GNAI3: variants seen among roughly 807,000 people sequenced by gnomAD.
GNAI3 encodes the protein guanine nucleotide-binding protein G(i) subunit alpha-3.
Under a neutral mutation model 41.8 loss-of-function variants are expected in GNAI3, and 12 were observed. The ratio of observed to expected loss-of-function variants is 0.29; its 90% confidence interval spans 0.18 to 0.47. GNAI3 has a LOEUF of 0.47. Among genes scored for constraint, GNAI3 ranks in the 20% least tolerant of loss-of-function variants. The pLI is 1.00. For synonymous variants in GNAI3, 132 were observed against 146.5 expected (o/e 0.90, Z 0.71); for missense variants, 360 against 429.6 (o/e 0.84, Z 1.43).
intron 1 of GNAI3, among the ~76,000 whole-genome samples, chr1:109,563,397 A>G (rs912557018): frequency 1.3e-5 from 2 of 152,138 alleles, no homozygotes; most frequent in Non-Finnish European, 2.9e-5. Flanking sequence ...AAGACAAACA[A>G]ACAAACAAAA....
chr1:109,556,442 C>T (rs896740586), intron 1 of GNAI3, among the ~76,000 whole-genome samples: 5 of 152,108 alleles, frequency 3.3e-5, no homozygotes, highest in Non-Finnish European at 5.9e-5. Flanking sequence ...ATGTTCAAAA[C>T]GCGGAAGAAA....
At chr1:109,552,262 C>T (rs1571145177) in intron 1 of GNAI3, among the ~76,000 whole-genome samples, 1 of 152,124 alleles carries the variant, frequency 6.6e-6, no homozygotes, top group East Asian at 1.9e-4. Flanking sequence ...CAAAGCTTCC[C>T]AACCAATGTT....
rs908712943 is a variant in GNAI3 at position 109,586,898 on chromosome 1, A to G, written c.874+16A>G. The G allele has an allele frequency of 2.6e-6, 4 of 1,558,014 alleles. No homozygotes were observed. In the African/African-American group the frequency reaches 4.1e-5, roughly 16 times the overall value. ...GAATACACAGGTAAGGGGTTATGAA[A>G]GATTTTATTGGAGGTACACATCTTA... On this transcript the variant is annotated intron_variant, in intron 7 of 8. Coordinates refer to ENST00000369851, the MANE Select transcript of GNAI3 (RefSeq NM_006496.4).
Position 109,592,153 on chromosome 1 carries a change from A to G in GNAI3, c.985A>G (p.Thr329Ala), listed in dbSNP as rs1402664631. 6.2e-7 allele frequency: 1 copy of G among 1,613,096 alleles called. No homozygotes were observed. Among genetic ancestry groups the G allele is most frequent in the South Asian group, 1.1e-5 (1 of 91,064 alleles). The change falls in exon 8 of 9, where the codon ACG becomes GCG. Residue 329 changes from threonine (T) to alanine (A), a missense_variant. Transcript: ENST00000369851. ...IYTHFTCATDTKNVQFVFDAV... is the reference protein window; with the variant it reads ...IYTHFTCATDAKNVQFVFDAV... ...TACTCACTTCACCTGTGCCACAGACACGAAGAATGTGCAGTTTGTTTTTGA... is the reference window on the plus strand; with the variant it reads ...TACTCACTTCACCTGTGCCACAGACGCGAAGAATGTGCAGTTTGTTTTTGA...
At chr1:109,576,625 T>A (rs1328116665) in intron 3 of GNAI3, among the ~76,000 whole-genome samples, 1 of 152,054 alleles carries the variant, frequency 6.6e-6, no homozygotes, top group Non-Finnish European at 1.5e-5. Context: ...TTCAAGCGAT[T>A]CTCCTGCCTC....
In GNAI3 at chr1:109,598,799, T is replaced by C. The variant is rs1889470; in HGVS notation, c.*6477T>C. 126,006 of 497,750 alleles carry C rather than the reference T, an allele frequency of 0.25. 18,381 individuals carry two copies. The highest frequency in any genetic ancestry group is 0.47 in the African/African-American group (24,053 of 51,244). The allele number at this position is 497,750 out of a possible 1,614,324, so 30.8% of individuals were successfully genotyped here. A position where few individuals can be genotyped will look rare whatever the true frequency, so the allele number is the denominator to read the frequency against. ...GTGTCTTCTGACCTCACAGAAATGTTTTCATGCTTTTACCTAGCAGGACCA... is the reference window on the plus strand; with the variant it reads ...GTGTCTTCTGACCTCACAGAAATGTCTTCATGCTTTTACCTAGCAGGACCA... On this transcript the variant is annotated 3_prime_UTR_variant, in exon 9 of 9. Coordinates refer to ENST00000369851, the MANE Select transcript of GNAI3 (RefSeq NM_006496.4).
chr1:109,569,206 G>T (rs897874855), intron 1 of GNAI3, among the ~76,000 whole-genome samples: 6 of 151,984 alleles, frequency 3.9e-5, no homozygotes, highest in Non-Finnish European at 7.4e-5. Context: ...CCTGTTTCTG[G>T]GACCTTTCCA....
rs1649292458 is a variant in GNAI3 at position 109,595,967 on chromosome 1, C to T, written c.*3645C>T. ...TTTAAGAGCAATGATCTTAGTTTGC[C>T]AGTGCCAGGTAATTATTGTGTTCTA... On this transcript the variant is annotated 3_prime_UTR_variant, in exon 9 of 9. Transcript: ENST00000369851. 6.6e-6 allele frequency: 1 copy of T among 152,086 alleles called. No individual in the cohort carries two copies. Among genetic ancestry groups the T allele is most frequent in the Admixed American group, 6.6e-5 (1 of 15,252 alleles). 9.4% of individuals were successfully genotyped at this position (152,086 alleles called of 1,614,324 possible). A position where few individuals can be genotyped will look rare whatever the true frequency, so the allele number is the denominator to read the frequency against.
chr1:109,552,946 C>A (rs1400041964), intron 1 of GNAI3, among the ~76,000 whole-genome samples: 4 of 152,040 alleles, frequency 2.6e-5, no homozygotes, highest in Non-Finnish European at 5.9e-5. Flanking sequence ...GTAACTTAAC[C>A]ATAAGAATAA....
rs543014623 is a variant in GNAI3 at position 109,599,608 on chromosome 1, CATGCT to C, written c.*7293_*7297del. ...TTACTGTTAGTAATGTCTCTTTAAT[CATGCT>C]ATGCTAGGGAAGTACATTATGGTCT... On this transcript the variant is annotated 3_prime_UTR_variant, in exon 9 of 9. Coordinates refer to ENST00000369851, the MANE Select transcript of GNAI3 (RefSeq NM_006496.4). 1.3e-4 allele frequency: 20 copies of C among 152,264 alleles called. No individual in the cohort carries two copies. Among genetic ancestry groups the C allele is most frequent in the Non-Finnish European group, 2.8e-4 (19 of 68,030 alleles). The allele number at this position is 152,264 out of a possible 1,614,324, so 9.4% of individuals were successfully genotyped here.
intron 3 of GNAI3, among the ~76,000 whole-genome samples, chr1:109,576,464 T>C (rs1648745391): frequency 6.6e-6 from 1 of 151,920 alleles, no homozygotes; most frequent in African/African-American, 2.4e-5. Flanking sequence ...TGCTTAAGTG[T>C]GGAGGTGTGA....
chr1:109,571,529 A>C (rs1648596682), intron 1 of GNAI3, among the ~76,000 whole-genome samples: 1 of 152,210 alleles, frequency 6.6e-6, no homozygotes, highest in African/African-American at 2.4e-5. Context: ...TGTGAGGATT[A>C]AATTAGTTAT....
At chr1:109,579,142 A>T in intron 3 of GNAI3, 62 bp from the exon 4 acceptor site, 1 of 1,329,598 alleles carries the variant, frequency 7.5e-7, no homozygotes, top group Non-Finnish European at 1.0e-6. Context: ...TTTTAAAGAG[A>T]CTGTCATCAA....
At chr1:109,568,377 T>TAA (rs1038193930) in intron 1 of GNAI3, among the ~76,000 whole-genome samples, 1 of 150,770 alleles carries the variant, frequency 6.6e-6, no homozygotes, top group Non-Finnish European at 1.5e-5. Flanking sequence ...CTACTAAAAA[T>TAA]AAAAAAAAAT....
rs968888707 is a variant in GNAI3 at position 109,599,057 on chromosome 1, G to C, written c.*6735G>C. 5 of 476,822 alleles carry C rather than the reference G, an allele frequency of 1.0e-5. No homozygotes were observed. The highest frequency in any genetic ancestry group is 9.8e-5 in the African/African-American group (5 of 51,030). 29.5% of individuals were successfully genotyped at this position (476,822 alleles called of 1,614,324 possible). A position where few individuals can be genotyped will look rare whatever the true frequency, so the allele number is the denominator to read the frequency against. On this transcript the variant is annotated 3_prime_UTR_variant, in exon 9 of 9. Transcript: ENST00000369851. ...CCGTGGGGATGGGAAGGAATACTCT[G>C]TTTTGGACTATTTGGAGGTACATGT...
At chr1:109,576,227 G>A (rs1453060788) in intron 3 of GNAI3, among the ~76,000 whole-genome samples, 5 of 150,922 alleles carry the variant, frequency 3.3e-5, no homozygotes, top group Non-Finnish European at 7.4e-5. Context: ...TGCCACCACG[G>A]CTGACTAATT....
intron 1 of GNAI3, among the ~76,000 whole-genome samples, chr1:109,572,755 T>C (rs752037297): frequency 4.6e-5 from 7 of 152,108 alleles, no homozygotes; most frequent in Non-Finnish European, 8.8e-5. Flanking sequence ...TGCATGCTGA[T>C]GAGAATGACC....
chr1:109,577,278 G>GTTTTTTTTT (rs10690094), intron 3 of GNAI3, among the ~76,000 whole-genome samples: 6 of 125,366 alleles, frequency 4.8e-5, no homozygotes, highest in African/African-American at 8.8e-5. Context: ...TGTTTTTTTT[G>GTTTTTTTTT]TTTTTTTTTT....
At chr1:109,556,487 T>C (rs1319961793) in intron 1 of GNAI3, among the ~76,000 whole-genome samples, 1 of 152,192 alleles carries the variant, frequency 6.6e-6, no homozygotes, top group Non-Finnish European at 1.5e-5. Context: ...TTTGGTTCCT[T>C]TTTTAGAGGA....
Sources: gnomAD v4.1 joint callset for allele counts (sites outside exome capture counted in the v4.1 genomes callset) on GRCh38, gnomAD v4.1.1 for gene constraint, MANE v1.5 for transcripts, NCBI Gene and HGNC (gene_info 2026-07-23, HGNC 2026-07-21) for gene names.